Variants in RAB44 observed in about 807,000 individuals in gnomAD.
RAB44 encodes RAB44, member RAS oncogene family.
Under a neutral mutation model 93.3 loss-of-function variants are expected in RAB44, and 67 were observed. The ratio of observed to expected loss-of-function variants is 0.72; its 90% CI spans 0.59 to 0.88. The LOEUF (loss-of-function observed/expected upper bound fraction) is 0.88, where lower values mean the gene tolerates loss of function less well. RAB44 is among the 40% of genes least tolerant of loss of function. RAB44 has a pLI of 0.00. For synonymous variants in RAB44, 427 were observed against 520.3 expected (o/e 0.82, Z 2.44); for missense variants, 1,064 against 1,261.7 (o/e 0.84, Z 2.37).
intron 1 of RAB44, among the ~76,000 whole-genome samples, chr6:36,701,066 A>G (rs533978977): frequency 6.6e-6 from 1 of 152,270 alleles, no homozygotes. Flanking sequence ...AACCCGTAGA[A>G]TCTTATTCCT....
chr6:36,723,392 A>G (rs765911684), intron 9 of RAB44, among the ~76,000 whole-genome samples: 1 of 152,202 alleles, frequency 6.6e-6, no homozygotes, highest in African/African-American at 2.4e-5. Context: ...CTCAGTAAGT[A>G]TTAGTTATTA....
Position 36,725,845 on chromosome 6 carries a change from C to G in RAB44, c.2600-17C>G, listed in dbSNP as rs1243372608. The stretch of plus-strand genomic sequence containing the variant: ...GATGGTAACTTAGTAGGCTTCACCC[C>G]TCTCTATGTGTCCTAGGAGTAGATT... On this transcript the variant is annotated splice_polypyrimidine_tract_variant and intron_variant, in intron 9 of 13. Coordinates refer to ENST00000612677, the MANE Select transcript of RAB44 (RefSeq NM_001257357.2). 5 of 1,542,810 alleles carry G rather than the reference C, an allele frequency of 3.2e-6. No individual in the cohort carries two copies. Among genetic ancestry groups the G allele is most frequent in the East Asian group, 2.4e-5 (1 of 40,878 alleles).
intron 4 of RAB44, among the ~76,000 whole-genome samples, chr6:36,716,094 G>A (rs1489291633): frequency 1.3e-5 from 2 of 152,222 alleles, no homozygotes; most frequent in East Asian, 3.9e-4. Context: ...TGTGCCCTGG[G>A]TTGAACGGGT....
rs958194114 is a variant in RAB44 at position 36,704,283 on chromosome 6, C to T, written c.48C>T (p.Ser16=). Residue 16 remains serine (S), a synonymous_variant, in exon 2 of 14, where the codon TCC becomes TCT. Transcript: ENST00000612677. ...CTCGAAAAGTCCGGAAGCTGGGCTC[C>T]AACCGGCGGCGGCAGACAAGAGAGC... ...RTSRKVRKLG[S]NRRRQTREPA... 12 of 1,536,038 alleles carry T rather than the reference C, an allele frequency of 7.8e-6. No individual in the cohort carries two copies. The African/African-American group carries it at 1.5e-4, about 19-fold the overall frequency.
rs1471271963 is a variant in RAB44, at chr6:36,727,632, TACG to T, written c.2740_2742del (p.Asp914del). ...CAAGGCTGACGGGGTGGTGCTCATGTACGACATCACCTCCCAGGAGAGCTTTGC... is the reference window on the plus strand; with the variant it reads ...CAAGGCTGACGGGGTGGTGCTCATGTACATCACCTCCCAGGAGAGCTTTGC... On this transcript the variant is annotated inframe_deletion, in exon 11 of 14. Transcript: ENST00000612677. The T allele has an allele frequency of 1.9e-6, 3 of 1,550,522 alleles. No individual in the cohort carries two copies. Among genetic ancestry groups the T allele is most frequent in the Middle Eastern group, 1.7e-4 (1 of 6,012 alleles).
chr6:36,706,712 G>A (rs1360296763), intron 2 of RAB44, among the ~76,000 whole-genome samples: 1 of 151,742 alleles, frequency 6.6e-6, no homozygotes, highest in Admixed American at 6.6e-5. Flanking sequence ...TAGAAAGTAA[G>A]GAGAGTCTGT....
intron 10 of RAB44, among the ~76,000 whole-genome samples, chr6:36,726,228 C>T (rs1763235203): frequency 1.3e-5 from 2 of 152,172 alleles, no homozygotes; most frequent in African/African-American, 2.4e-5. Flanking sequence ...TACTTTCAAC[C>T]TAGGCAGTAG....
chr6:36,725,322 T>G (rs1270630637), intron 9 of RAB44, among the ~76,000 whole-genome samples: 3 of 152,208 alleles, frequency 2.0e-5, no homozygotes, highest in Non-Finnish European at 4.4e-5. Flanking sequence ...ATTACAGGCA[T>G]GTGTCACCAC....
intron 12 of RAB44, among the ~76,000 whole-genome samples, chr6:36,729,911 A>G (rs1391003242): frequency 1.3e-5 from 2 of 152,250 alleles, no homozygotes; most frequent in African/African-American, 4.8e-5. Context: ...ATAACGTACA[A>G]TCGAACAGGT....
chr6:36,725,700 G>T (rs1763220022), intron 9 of RAB44, 162 bp from the exon 10 acceptor site: 2 of 610,262 alleles, frequency 3.3e-6, no homozygotes, highest in Non-Finnish European at 6.2e-6. Flanking sequence ...GAGGAAGTGG[G>T]TCCTCGAGTA....
intron 12 of RAB44, among the ~76,000 whole-genome samples, chr6:36,730,347 TA>T (rs946564038): frequency 2.6e-5 from 4 of 152,148 alleles, no homozygotes; most frequent in African/African-American, 9.7e-5. Flanking sequence ...TTTCTGAAAT[TA>T]AAAAACATAA....
Position 36,717,402 on chromosome 6 carries a change from G to A in RAB44, c.624G>A (p.Leu208=). The A allele has an allele frequency of 8.1e-7, 1 of 1,232,286 alleles. No homozygotes were observed. Among genetic ancestry groups the A allele is most frequent in the Non-Finnish European group, 1.0e-6 (1 of 988,090 alleles). The allele number at this position is 1,232,286 out of a possible 1,614,324, so 76.3% of individuals were successfully genotyped here. The change falls in exon 5 of 14, where the codon CTG becomes CTA. Residue 208 remains leucine (L), a synonymous_variant. Transcript: ENST00000612677. This position sits in a 1 kb window ranked among gnomAD's most constrained non-coding sequence, Gnocchi z 4.1. ...LQEAQADKEA[L]ELTLRKRDSD... The stretch of plus-strand genomic sequence containing the variant: ...AGGCCCAGGCGGACAAGGAGGCCCT[G>A]GAGCTGACCCTGAGGAAGTGAGTGG...
In RAB44 at chr6:36,721,732, G is replaced by A; in HGVS notation, c.1598G>A (p.Gly533Glu). The A allele has an allele frequency of 2.4e-6, 3 of 1,234,394 alleles. No homozygotes were observed. Among genetic ancestry groups the A allele is most frequent in the Non-Finnish European group, 3.0e-6 (3 of 988,212 alleles). 76.5% of individuals were successfully genotyped at this position (1,234,394 alleles called of 1,614,324 possible). Residue 533 changes from glycine to glutamate, a missense_variant, in exon 9 of 14, where the codon GGG (glycine) becomes GAG (glutamate). Coordinates refer to ENST00000612677, the MANE Select transcript of RAB44 (RefSeq NM_001257357.2). The stretch of plus-strand genomic sequence containing the variant: ...TCAGACCCAGATGACAAGGGCCCTG[G>A]GTCTTGGGCTCCTCCCAGCGGGGCT... Reference protein sequence around the residue: ...QASDPDDKGPGSWAPPSGAQP... With the variant: ...QASDPDDKGPESWAPPSGAQP...
At chr6:36,715,967 C>A (rs558582041) in intron 4 of RAB44, among the ~76,000 whole-genome samples, 2 of 152,330 alleles carry the variant, frequency 1.3e-5, no homozygotes, top group African/African-American at 4.8e-5. Context: ...TCCAGGAGGA[C>A]TAGCGATTGG....
Position 36,725,845 on chromosome 6 carries a change from CT to C in RAB44, c.2600-16del. ...GATGGTAACTTAGTAGGCTTCACCC[CT>C]CTCTATGTGTCCTAGGAGTAGATTT... is the stretch of plus-strand genomic sequence containing the variant. On this transcript the variant is annotated splice_polypyrimidine_tract_variant and intron_variant, in intron 9 of 13. Coordinates refer to ENST00000612677, the MANE Select transcript of RAB44 (RefSeq NM_001257357.2). 1 of 1,542,810 alleles carries C rather than the reference CT, an allele frequency of 6.5e-7. No homozygotes were observed. Among genetic ancestry groups the C allele is most frequent in the Non-Finnish European group, 8.8e-7 (1 of 1,139,944 alleles).
chr6:36,720,075 G>T (rs1052545276), intron 7 of RAB44, among the ~76,000 whole-genome samples: 1 of 152,228 alleles, frequency 6.6e-6, no homozygotes, highest in Admixed American at 6.5e-5. Context: ...GAGTAGAGGA[G>T]GGTGGGATTT....
intron 8 of RAB44, 144 bp from the exon 9 acceptor site, chr6:36,721,007 C>T (rs1735577161): frequency 4.4e-6 from 3 of 686,038 alleles, no homozygotes; most frequent in Non-Finnish European, 6.1e-6. Flanking sequence ...GGAGCACATA[C>T]CAGGTGAGAA....
rs9394373 is a variant in RAB44, at chr6:36,697,862, T to C, written c.-66T>C. The C allele has an allele frequency of 0.12, 17,566 of 152,364 alleles. 1,092 individuals carry two copies. The highest frequency in any genetic ancestry group is 0.19 in the South Asian group (913 of 4,826). The allele number at this position is 152,364 out of a possible 1,614,324, so 9.4% of individuals were successfully genotyped here. A position where few individuals can be genotyped will look rare whatever the true frequency, so the allele number is the denominator to read the frequency against. ...GGGCTCCGCAGGGCAGCAGTCACCC[T>C]ACCACCAGGTCCCAGAGCCCAGGGC... is the stretch of plus-strand genomic sequence containing the variant. On this transcript the variant is annotated 5_prime_UTR_variant, in exon 1 of 14. Transcript: ENST00000612677.
chr6:36,715,585 G>C lies in RAB44; in HGVS notation c.426G>C (p.Ala142=). 2.6e-6 allele frequency: 4 copies of C among 1,536,180 alleles called. No homozygotes were observed. Among genetic ancestry groups the C allele is most frequent in the Admixed American group, 2.0e-5 (1 of 51,006 alleles). ...CCAGCTTCCCAGCTCTGGAGGAGGC[G>C]GATGCTGAGGAGAAGGAGGCGTTCC... The part of the protein sequence containing the change: ...ATTSFPALEE[A]DAEEKEAFLA... Residue 142 remains alanine, a synonymous_variant, in exon 4 of 14, where the codon GCG becomes GCC. Transcript: ENST00000612677.
Sources: allele counts gnomAD v4.1 joint callset (sites outside exome capture counted in the v4.1 genomes callset), GRCh38; gene constraint gnomAD v4.1.1; non-coding constraint Gnocchi (gnomAD v3.1); transcripts MANE v1.5; gene names NCBI Gene and HGNC (gene_info 2026-07-23, HGNC 2026-07-21).